Variants in HS6ST3 observed in about 807,000 individuals in gnomAD.
HS6ST3 encodes heparan sulfate 6-O-sulfotransferase 3.
HS6ST3 carries 12 observed loss-of-function variants against 36.7 expected under a neutral mutation model. The ratio of observed to expected loss-of-function variants is 0.33; its 90% CI spans 0.21 to 0.53. The LOEUF is 0.53. HS6ST3 is among the 20% of genes least tolerant of loss of function. The pLI is 0.95. For missense variants in HS6ST3, 584 were observed against 640.9 expected (o/e 0.91, Z 0.96); for synonymous variants, 240 against 257.5 (o/e 0.93, Z 0.65).
intron 1 of HS6ST3, among the ~76,000 whole-genome samples, chr13:96,519,995 GT>G (rs2056086950): frequency 6.6e-6 from 1 of 152,020 alleles, no homozygotes; most frequent in Non-Finnish European, 1.5e-5. Flanking sequence ...ATTATTTTTA[GT>G]AATTCTATTG....
chr13:96,751,550 T>C (rs1477274745), intron 1 of HS6ST3, among the ~76,000 whole-genome samples: 1 of 152,110 alleles, frequency 6.6e-6, no homozygotes, highest in African/African-American at 2.4e-5. Flanking sequence ...AGCCACCAAG[T>C]TTGCAGTAAT....
At chr13:96,728,895 G>A (rs986511138) in intron 1 of HS6ST3, among the ~76,000 whole-genome samples, 3 of 152,182 alleles carry the variant, frequency 2.0e-5, no homozygotes, top group African/African-American at 7.2e-5. Flanking sequence ...TTCATTCAGT[G>A]TAGGTTGGAA....
At chr13:96,552,779 G>A (rs1362976844) in intron 1 of HS6ST3, among the ~76,000 whole-genome samples, 1 of 152,194 alleles carries the variant, frequency 6.6e-6, no homozygotes, top group Non-Finnish European at 1.5e-5. Flanking sequence ...GTACCTACTG[G>A]AGGAGGTATA....
At chr13:96,147,168 A>G (rs767924490) in intron 1 of HS6ST3, among the ~76,000 whole-genome samples, 3 of 152,270 alleles carry the variant, frequency 2.0e-5, no homozygotes, top group South Asian at 2.1e-4. Flanking sequence ...AGCAGAGCAC[A>G]TAATAAAGGA....
At chr13:96,170,215 T>A (rs2054181094) in intron 1 of HS6ST3, among the ~76,000 whole-genome samples, 1 of 152,210 alleles carries the variant, frequency 6.6e-6, no homozygotes, top group African/African-American at 2.4e-5. Flanking sequence ...GCTCTATCTT[T>A]CCCATCAGCC....
At position 96,355,353 on chromosome 13, in the gene HS6ST3, A is replaced by C. The variant is rs141337787; in HGVS notation, c.707+263784A>C. Among the ~76,000 whole-genome samples, 106 of 144,128 alleles carry C rather than the reference A, an allele frequency of 7.4e-4. 2 individuals are homozygous for C. The highest frequency in any genetic ancestry group is 2.6e-3 in the African/African-American group (101 of 38,498). The allele number at this position is 144,128 out of a possible 152,430, so 94.6% of individuals were successfully genotyped here. On this transcript the variant is annotated intron_variant, in intron 1 of 1. Transcript: ENST00000376705. ...GTGGGGAAAGTAAAAGCATGAGTCT[A>C]TAGTTACACACACACACACACACAC...
chr13:96,234,924 A>G (rs2054527140), intron 1 of HS6ST3, among the ~76,000 whole-genome samples: 2 of 152,210 alleles, frequency 1.3e-5, no homozygotes, highest in Admixed American at 6.5e-5. Context: ...TACTATGTCA[A>G]ATGATTTGTT....
intron 1 of HS6ST3, among the ~76,000 whole-genome samples, chr13:96,553,419 A>C (rs1028328985): frequency 6.6e-6 from 1 of 152,208 alleles, no homozygotes; most frequent in African/African-American, 2.4e-5. Flanking sequence ...TGGATGGGAT[A>C]TGAATGGTCC....
At chr13:96,803,422 C>T (rs1041090334) in intron 1 of HS6ST3, among the ~76,000 whole-genome samples, 15 of 152,122 alleles carry the variant, frequency 9.9e-5, no homozygotes, top group Non-Finnish European at 1.8e-4. Context: ...ACATTTGCAG[C>T]TAATGGGCCC....
rs535004311 is a variant in HS6ST3 at position 96,525,139 on chromosome 13, T to C, written c.708-307351T>C. ...GTTTTCTGGATTATGTTTTCTCTCGTATCAATTAAATTTAAAATGTTTGGA... is the reference window on the plus strand; with the variant it reads ...GTTTTCTGGATTATGTTTTCTCTCGCATCAATTAAATTTAAAATGTTTGGA... On this transcript the variant is annotated intron_variant, in intron 1 of 1. Coordinates refer to ENST00000376705, the MANE Select transcript of HS6ST3 (RefSeq NM_153456.4). Among the ~76,000 whole-genome samples the C allele has an allele frequency of 7.9e-4, 120 of 152,340 alleles. 3 individuals are homozygous for C. Among genetic ancestry groups the C allele is most frequent in the Admixed American group, 6.2e-3 (95 of 15,304 alleles).
At chr13:96,275,861 T>C in intron 1 of HS6ST3, among the ~76,000 whole-genome samples, 1 of 151,828 alleles carries the variant, frequency 6.6e-6, no homozygotes, top group African/African-American at 2.4e-5. Context: ...CTCTCTTTTT[T>C]TTTTTTTTTG....
chr13:96,488,318 GA>G (rs1407302924), intron 1 of HS6ST3, among the ~76,000 whole-genome samples: 1 of 152,064 alleles, frequency 6.6e-6, no homozygotes, highest in Non-Finnish European at 1.5e-5. Flanking sequence ...AATAGGCTGA[GA>G]ATATGTCCTT....
At chr13:96,574,531 C>T (rs563975900) in intron 1 of HS6ST3, 35 of 354,364 alleles carry the variant, frequency 9.9e-5, no homozygotes, top group African/African-American at 7.2e-4. Flanking sequence ...ACCAGTCCCA[C>T]TCCCCTGTGG....
chr13:96,637,586 G>A (rs1594823930), intron 1 of HS6ST3, among the ~76,000 whole-genome samples: 1 of 152,074 alleles, frequency 6.6e-6, no homozygotes, highest in Non-Finnish European at 1.5e-5. Flanking sequence ...AGATGAACAA[G>A]GCAGGTGATA....
intron 1 of HS6ST3, among the ~76,000 whole-genome samples, chr13:96,784,765 T>A (rs573548007): frequency 4.6e-5 from 7 of 152,320 alleles, no homozygotes; most frequent in Admixed American, 4.6e-4. Context: ...TGCCAAGCCC[T>A]TCCTCAATGA....
At chr13:96,708,404 C>A (rs1039495998) in intron 1 of HS6ST3, among the ~76,000 whole-genome samples, 4 of 152,160 alleles carry the variant, frequency 2.6e-5, no homozygotes, top group Non-Finnish European at 5.9e-5. Flanking sequence ...CTTGAGAATA[C>A]CCCAATCTCT....
At chr13:96,777,719 A>G (rs535839493) in intron 1 of HS6ST3, among the ~76,000 whole-genome samples, 107 of 152,340 alleles carry the variant, frequency 7.0e-4, no homozygotes, top group African/African-American at 2.5e-3. Context: ...GGATAGGAAG[A>G]ATCAATATCA....
intron 1 of HS6ST3, among the ~76,000 whole-genome samples, chr13:96,686,593 GC>G (rs1874788125): frequency 6.6e-6 from 1 of 151,982 alleles, no homozygotes; most frequent in Admixed American, 6.6e-5. Context: ...GCACAAGATA[GC>G]TCATCTGTCA....
intron 1 of HS6ST3, among the ~76,000 whole-genome samples, chr13:96,174,501 C>G (rs185681368): frequency 6.6e-6 from 1 of 152,118 alleles, no homozygotes; most frequent in Admixed American, 6.6e-5. Flanking sequence ...CCCAAGTAAC[C>G]TGGCATTTCA....
Sources: allele counts gnomAD v4.1 joint callset (sites outside exome capture counted in the v4.1 genomes callset), GRCh38; gene constraint gnomAD v4.1.1; transcripts MANE v1.5; gene names NCBI Gene and HGNC (gene_info 2026-07-23, HGNC 2026-07-21).